Variants in SH2D7 observed in about 807,000 individuals in gnomAD.
SH2D7 encodes the protein SH2 domain containing 7.
Under a neutral mutation model 40.8 loss-of-function variants are expected in SH2D7, and 32 were observed. The observed-to-expected ratio is 0.78, with a 90% CI of 0.59 to 1.05. The LOEUF is 1.05. Among genes scored for constraint, SH2D7 ranks in the 50% least tolerant of loss-of-function variants. SH2D7 has a pLI of 0.00. For synonymous variants in SH2D7, 195 were observed against 221.5 expected (o/e 0.88, Z 1.06); for missense variants, 559 against 566.6 (o/e 0.99, Z 0.14).
Position 78,094,100 on chromosome 15 carries a change from T to C in SH2D7, c.177-12T>C, listed in dbSNP as rs1356026147. On this transcript the variant is annotated splice_polypyrimidine_tract_variant and intron_variant, in intron 1 of 5. Coordinates refer to ENST00000328828, the MANE Select transcript of SH2D7 (RefSeq NM_001101404.2). ...GGCACAGACCCCAGCTAATGGCATG[T>C]CTTCTGCCCAGGCAGACGGAGCAGC... 6.3e-7 allele frequency: 1 copy of C among 1,599,956 alleles called. No homozygotes were observed. Among genetic ancestry groups the C allele is most frequent in the Admixed American group, 1.7e-5 (1 of 57,866 alleles).
chr15:78,096,474 C>G (rs1426345903), intron 2 of SH2D7, among the ~76,000 whole-genome samples: 5 of 152,102 alleles, frequency 3.3e-5, no homozygotes. Context: ...TGTGGAACAA[C>G]TGGAGCTCTC....
In SH2D7 at chr15:78,103,611, T is replaced by C; in HGVS notation, c.*96T>C. On this transcript the variant is annotated 3_prime_UTR_variant, in exon 6 of 6. Transcript: ENST00000328828. The stretch of plus-strand genomic sequence containing the variant: ...CCTCAGCTCACTTGAAGGCACCCTT[T>C]GGATCTTGAGACTCATCCAGCCTGC... The C allele has an allele frequency of 1.5e-5, 22 of 1,429,042 alleles. No homozygotes were observed. The highest frequency in any genetic ancestry group is 2.0e-5 in the Non-Finnish European group (21 of 1,046,010). 88.5% of individuals were successfully genotyped at this position (1,429,042 alleles called of 1,614,324 possible). A position where few individuals can be genotyped will look rare whatever the true frequency, so the allele number is the denominator to read the frequency against.
At chr15:78,094,774 A>T (rs2073960149) in intron 2 of SH2D7, among the ~76,000 whole-genome samples, 1 of 152,108 alleles carries the variant, frequency 6.6e-6, no homozygotes, top group Admixed American at 6.5e-5. Flanking sequence ...TGGAGAGAGG[A>T]CTGGAAGTCA....
rs372869564 is a variant in SH2D7, at chr15:78,098,464, G to A, written c.513G>A (p.Thr171=). The A allele has an allele frequency of 2.2e-5, 35 of 1,613,822 alleles. No individual in the cohort carries two copies. The African/African-American group carries it at 3.7e-4, about 17-fold the overall frequency. ...TIVDPENPPA[T]AFLTVVPDKA... is the part of the protein sequence containing the mutation. ...TGGACCCAGAAAACCCACCTGCCAC[G>A]GCATTCCTCACAGTGGTCCCCGACA... Residue 171 remains threonine, a synonymous_variant, in exon 4 of 6, where the codon ACG becomes ACA. Coordinates refer to ENST00000328828, the MANE Select transcript of SH2D7 (RefSeq NM_001101404.2).
chr15:78,101,299 A>C lies in SH2D7; in HGVS notation c.1046A>C (p.Asp349Ala). The C allele has an allele frequency of 6.2e-7, 1 of 1,612,970 alleles. No individual in the cohort carries two copies. The highest frequency in any genetic ancestry group is 8.5e-7 in the Non-Finnish European group (1 of 1,179,552). Reference sequence around the variant, plus strand: ...CCCTGCTCCCAGGGCAGCTCTGCAGATATCTATGAGTTCATCGGGACAGAA... The same window carrying C: ...CCCTGCTCCCAGGGCAGCTCTGCAGCTATCTATGAGTTCATCGGGACAGAA... The part of the protein sequence containing the change: ...AQPCSQGSSA[D>A]IYEFIGTEGL... Residue 349 changes from aspartate to alanine, a missense_variant, in exon 5 of 6, where the codon GAT becomes GCT. Transcript: ENST00000328828.
intron 4 of SH2D7, among the ~76,000 whole-genome samples, chr15:78,099,256 A>T (rs1379277203): frequency 6.6e-6 from 1 of 151,914 alleles, no homozygotes; most frequent in East Asian, 1.9e-4. Flanking sequence ...ACCTCAAGTG[A>T]TCCGCCCGCC....
At chr15:78,090,545 C>T (rs930908949), upstream of SH2D7, among the ~76,000 whole-genome samples, 23 of 152,084 alleles carry the variant, frequency 1.5e-4, no homozygotes, top group African/African-American at 5.3e-4. Context: ...TCAGATAACC[C>T]ATGATGATGT....
At chr15:78,101,659 C>A in intron 5 of SH2D7, 101 bp downstream of exon 5, 1 of 1,335,688 alleles carries the variant, frequency 7.5e-7, no homozygotes, top group Non-Finnish European at 1.0e-6. Context: ...CAGGTCACCG[C>A]CACTGCCTGG....
Position 78,101,575 on chromosome 15 carries a change from G to C in SH2D7, c.1305+17G>C. ...ACACACAAGGTGAGCTCCATGATGG[G>C]GTGGGGCGGCTCCCAGCCCTTAGAG... On this transcript the variant is annotated intron_variant, in intron 5 of 5. Coordinates refer to ENST00000328828, the MANE Select transcript of SH2D7 (RefSeq NM_001101404.2). 6.4e-7 allele frequency: 1 copy of C among 1,550,958 alleles called. No individual in the cohort carries two copies. The highest frequency in any genetic ancestry group is 1.4e-5 in the African/African-American group (1 of 72,770).
At chr15:78,100,785 G>A in intron 4 of SH2D7, 114 bp from the exon 5 acceptor site, 6 of 1,145,882 alleles carry the variant, frequency 5.2e-6, no homozygotes, top group Non-Finnish European at 7.4e-6. Context: ...GCATGTACGG[G>A]CAGGAGGACT....
chr15:78,096,333 T>C (rs1470519340), intron 2 of SH2D7, among the ~76,000 whole-genome samples: 1 of 151,996 alleles, frequency 6.6e-6, no homozygotes, highest in Admixed American at 6.6e-5. Flanking sequence ...GCAAAAGAAC[T>C]GAGCAGGCAC....
chr15:78,094,829 A>G (rs998730823), intron 2 of SH2D7, among the ~76,000 whole-genome samples: 7 of 152,142 alleles, frequency 4.6e-5, no homozygotes. Flanking sequence ...AATTGCCTGG[A>G]TGTGAGATAA....
chr15:78,094,710 A>G (rs1424383683), intron 2 of SH2D7, among the ~76,000 whole-genome samples: 1 of 152,136 alleles, frequency 6.6e-6, no homozygotes, highest in African/African-American at 2.4e-5. Context: ...AAGTCTGTAG[A>G]CCATGAAGGA....
At chr15:78,098,161 C>T in intron 3 of SH2D7, 67 bp downstream of exon 3, 1 of 1,492,474 alleles carries the variant, frequency 6.7e-7, no homozygotes, top group Non-Finnish European at 8.9e-7. Context: ...GTATCCATCA[C>T]TCAGACATAC....
chr15:78,097,266 T>C (rs1217845136), intron 2 of SH2D7, among the ~76,000 whole-genome samples: 2 of 152,224 alleles, frequency 1.3e-5, no homozygotes, highest in East Asian at 3.8e-4. Flanking sequence ...GGGTTTTGTA[T>C]CTTGACCTGA....
upstream of SH2D7, chr15:78,092,504 C>A (rs775433233): frequency 2.1e-6 from 3 of 1,445,724 alleles, no homozygotes; most frequent in African/African-American, 2.8e-5. Flanking sequence ...GGCACGGGCT[C>A]AGGCAAATGA....
intron 5 of SH2D7, among the ~76,000 whole-genome samples, chr15:78,102,552 AGTGGTGGTG>A (rs936171706): frequency 1.3e-5 from 2 of 151,808 alleles, no homozygotes; most frequent in African/African-American, 2.4e-5. Flanking sequence ...TGGTGGTGGT[AGTGGTGGTG>A]GTGGTATTGG....
chr15:78,096,066 CT>C (rs1328104549), intron 2 of SH2D7, among the ~76,000 whole-genome samples: 2 of 152,102 alleles, frequency 1.3e-5, no homozygotes, highest in Non-Finnish European at 2.9e-5. Context: ...TGGTCTCAAT[CT>C]CCTGACCTTG....
At chr15:78,101,769 T>C (rs2074019263) in intron 5 of SH2D7, among the ~76,000 whole-genome samples, 1 of 152,104 alleles carries the variant, frequency 6.6e-6, no homozygotes, top group African/African-American at 2.4e-5. Context: ...GATGGGGGCT[T>C]CCAGGCCCTT....
Sources: allele counts gnomAD v4.1 joint callset (sites outside exome capture counted in the v4.1 genomes callset), GRCh38; gene constraint gnomAD v4.1.1; transcripts MANE v1.5; gene names NCBI Gene and HGNC (gene_info 2026-07-23, HGNC 2026-07-21).